MRPS28: variants seen among roughly 807,000 people sequenced by gnomAD.
The protein encoded by MRPS28 is mitochondrial ribosomal protein S28, also known as small ribosomal subunit protein bS1m.
MRPS28 carries 7 observed loss-of-function variants against 10.8 expected under a neutral mutation model. The observed-to-expected ratio is 0.65, with a 90% CI of 0.37 to 1.22. The LOEUF is 1.22. Among genes scored for constraint, MRPS28 ranks in the 50% most tolerant of loss-of-function variants. MRPS28 has a pLI of 0.02. For synonymous variants in MRPS28, 121 were observed against 93.3 expected, an observed-to-expected ratio of 1.30 and a Z score of -1.71; for missense variants, 265 against 232.9, an observed-to-expected ratio of 1.14 and a Z score of -0.90.
chr8:79,951,215 C>G (rs1040712664), intron 2 of MRPS28, among the ~76,000 whole-genome samples: 1 of 152,156 alleles, frequency 6.6e-6, no homozygotes, highest in African/African-American at 2.4e-5. Context: ...GGCGCATGCA[C>G]CCAGGGCTTG....
chr8:79,957,498 C>T (rs1054524486), intron 2 of MRPS28: 1 of 147,636 alleles, frequency 6.8e-6, no homozygotes, highest in Non-Finnish European at 1.5e-5. Flanking sequence ...TCACTGGAGG[C>T]CATAAGTTCC....
intron 2 of MRPS28, among the ~76,000 whole-genome samples, chr8:79,990,272 T>C (rs1201151076): frequency 6.6e-6 from 1 of 152,174 alleles, no homozygotes; most frequent in East Asian, 1.9e-4. Flanking sequence ...ATTTTTCTAG[T>C]CACCTGGGCT....
At chr8:79,983,174 G>A (rs1316060857) in intron 2 of MRPS28, among the ~76,000 whole-genome samples, 1 of 152,100 alleles carries the variant, frequency 6.6e-6, no homozygotes, top group Non-Finnish European at 1.5e-5. Flanking sequence ...GGTCTGGAGT[G>A]GACCTCTAGC....
chr8:79,924,473 C>T (rs1325130583), intron 2 of MRPS28, among the ~76,000 whole-genome samples: 1 of 152,130 alleles, frequency 6.6e-6, no homozygotes, highest in Non-Finnish European at 1.5e-5. Flanking sequence ...TGTGTATTTT[C>T]TTCTTTAAAT....
intron 1 of MRPS28, among the ~76,000 whole-genome samples, chr8:80,019,690 C>CT (rs142788859): frequency 0.012 from 1,867 of 152,050 alleles, 37 homozygotes; most frequent in African/African-American, 0.043. Flanking sequence ...AGAAATAAAA[C>CT]TGTGTATGAT....
intron 2 of MRPS28, among the ~76,000 whole-genome samples, chr8:79,942,866 A>G (rs1806806407): frequency 6.6e-6 from 1 of 152,202 alleles, no homozygotes; most frequent in Non-Finnish European, 1.5e-5. Flanking sequence ...GAAATTTTGA[A>G]TATGTGGCCC....
rs193256801 is a variant in MRPS28 at position 79,922,995 on chromosome 8, C to A, written c.396-3847G>T. On this transcript the variant is annotated intron_variant, in intron 2 of 2. Coordinates refer to ENST00000276585, the MANE Select transcript of MRPS28 (RefSeq NM_014018.3). Reference sequence around the variant, plus strand: ...CTGAAGAAATTTACGTATGGTCCATCAAGTAAACATTTAGGCTATTCAGCT... The same window carrying A: ...CTGAAGAAATTTACGTATGGTCCATAAAGTAAACATTTAGGCTATTCAGCT... Among the ~76,000 whole-genome samples the A allele has an allele frequency of 1.9e-4, 29 of 152,178 alleles. 1 individual carries two copies. In the East Asian group the frequency reaches 4.8e-3, roughly 25 times the overall value.
At chr8:80,025,290 A>C (rs953897762) in intron 1 of MRPS28, among the ~76,000 whole-genome samples, 3 of 152,178 alleles carry the variant, frequency 2.0e-5, no homozygotes. Flanking sequence ...TTTTGCTTTA[A>C]TTGTCGAATA....
At chr8:79,936,216 T>C (rs72683988) in intron 2 of MRPS28, among the ~76,000 whole-genome samples, 2,746 of 151,246 alleles carry the variant, frequency 0.018, 30 homozygotes, top group Middle Eastern at 0.041. Context: ...CAGTCCCAGC[T>C]ACTTGTGAGC....
intron 1 of MRPS28, among the ~76,000 whole-genome samples, chr8:80,018,383 A>C (rs1419499887): frequency 1.3e-5 from 2 of 152,150 alleles, no homozygotes; most frequent in Admixed American, 6.5e-5. Flanking sequence ...CTTATGAAAA[A>C]GTGCTCAACA....
intron 2 of MRPS28, among the ~76,000 whole-genome samples, chr8:79,919,532 T>C (rs1810015281): frequency 6.6e-6 from 1 of 152,108 alleles, no homozygotes; most frequent in African/African-American, 2.4e-5. Flanking sequence ...TCTCTCTATG[T>C]TGCCCAGGCC....
At chr8:79,984,108 G>A (rs1808071173) in intron 2 of MRPS28, among the ~76,000 whole-genome samples, 1 of 152,028 alleles carries the variant, frequency 6.6e-6, no homozygotes, top group South Asian at 2.1e-4. Context: ...GAAGAGAGTG[G>A]GGGCCAATAT....
chr8:79,987,104 C>G (rs940305645), intron 2 of MRPS28, among the ~76,000 whole-genome samples: 1 of 152,018 alleles, frequency 6.6e-6, no homozygotes, highest in African/African-American at 2.4e-5. Context: ...CAGAACAGAG[C>G]CCTCAGAAAT....
chr8:79,967,695 G>T (rs1351715020), intron 2 of MRPS28, among the ~76,000 whole-genome samples: 2 of 152,098 alleles, frequency 1.3e-5, no homozygotes, highest in African/African-American at 4.8e-5. Flanking sequence ...ATTGCCTGGG[G>T]CTTTGTGTAG....
At chr8:79,955,754 C>T (rs939219837) in intron 2 of MRPS28, among the ~76,000 whole-genome samples, 1 of 152,162 alleles carries the variant, frequency 6.6e-6, no homozygotes. Context: ...TATAAATCTA[C>T]AATTCTAATC....
At chr8:79,954,693 G>C (rs951516183) in intron 2 of MRPS28, among the ~76,000 whole-genome samples, 1 of 152,158 alleles carries the variant, frequency 6.6e-6, no homozygotes, top group Non-Finnish European at 1.5e-5. Context: ...TTCCTCCACT[G>C]CAATTCTCTT....
rs1343987450 is a variant in MRPS28, at chr8:80,003,004, A to T, written c.390T>A (p.Asp130Glu). 6 of 1,576,756 alleles carry T rather than the reference A, an allele frequency of 3.8e-6. No homozygotes were observed. The highest frequency in any genetic ancestry group is 5.1e-6 in the Non-Finnish European group (6 of 1,165,740). The change falls in exon 2 of 3, where the codon GAT becomes GAA. Residue 130 changes from aspartate (D) to glutamate (E), a missense_variant. Coordinates refer to ENST00000276585, the MANE Select transcript of MRPS28 (RefSeq NM_014018.3). ...FHCVCRRPEV[D>E]GEKYQKGTRV... ...TTGGAAATGATTTTACTTACTCTCC[A>T]TCCACTTCTGGTCTTCTACATACAC...
At chr8:79,925,172 T>C (rs994736844) in intron 2 of MRPS28, among the ~76,000 whole-genome samples, 2 of 151,984 alleles carry the variant, frequency 1.3e-5, no homozygotes, top group Non-Finnish European at 2.9e-5. Flanking sequence ...CATTAGAAGA[T>C]GTAAATTGAG....
chr8:80,001,960 T>C (rs1808669798), intron 2 of MRPS28, among the ~76,000 whole-genome samples: 1 of 152,198 alleles, frequency 6.6e-6, no homozygotes, highest in African/African-American at 2.4e-5. Flanking sequence ...GGGGCTTTTT[T>C]TTTTAATCAA....
Sources: gnomAD v4.1 joint callset for allele counts (sites outside exome capture counted in the v4.1 genomes callset) on GRCh38, gnomAD v4.1.1 for gene constraint, MANE v1.5 for transcripts, NCBI Gene and HGNC (gene_info 2026-07-23, HGNC 2026-07-21) for gene names.